Variants in AZIN2 observed in about 807,000 individuals in gnomAD.
AZIN2 encodes ODC antizyme inhibitor-2.
A neutral mutation model predicts 47.8 loss-of-function variants in AZIN2; 28 were observed. The ratio of observed to expected loss-of-function variants is 0.59; its 90% CI spans 0.43 to 0.80. The LOEUF is 0.80. AZIN2 is among the 30% of genes least tolerant of loss of function. The probability of loss-of-function intolerance (pLI) is 0.00; values close to 1 mark genes in which losing one functional copy is unlikely to be tolerated. For missense variants in AZIN2, 535 were observed against 582.5 expected (o/e 0.92, Z 0.84); for synonymous variants, 221 against 239.4 (o/e 0.92, Z 0.71).
Position 33,081,826 on chromosome 1 carries a change from A to C in AZIN2, c.-73+14A>C. On this transcript the variant is annotated intron_variant, in intron 3 of 11. Coordinates refer to ENST00000294517, the MANE Select transcript of AZIN2 (RefSeq NM_052998.4). This position sits in a 1 kb window ranked among gnomAD's most constrained non-coding sequence, Gnocchi z 4.2. Reference sequence around the variant, plus strand: ...GCTACCCTCTAGGTGGGCGTGGTCAAGACTGGGGGCGCCCTGGAAACTTCC... The same window carrying C: ...GCTACCCTCTAGGTGGGCGTGGTCACGACTGGGGGCGCCCTGGAAACTTCC... The C allele has an allele frequency of 7.5e-6, 2 of 267,200 alleles. No individual in the cohort carries two copies. The highest frequency in any genetic ancestry group is 1.5e-5 in the Non-Finnish European group (2 of 135,478). The allele number at this position is 267,200 out of a possible 1,614,324, so 16.6% of individuals were successfully genotyped here.
the AZIN2 span, among the ~76,000 whole-genome samples, chr1:33,148,692 A>G: frequency 6.6e-6 from 1 of 152,220 alleles, no homozygotes; most frequent in African/African-American, 2.4e-5. Flanking sequence ...ATACACACAC[A>G]ACACTTGAAA....
chr1:33,145,466 T>C, the AZIN2 span: 1 of 166,250 alleles, frequency 6.0e-6, no homozygotes, highest in African/African-American at 2.4e-5. Flanking sequence ...ACATTTTAAA[T>C]AAAAATACTG....
chr1:33,105,241 A>T (rs1433557815), intron 10 of AZIN2, among the ~76,000 whole-genome samples: 2 of 152,184 alleles, frequency 1.3e-5, no homozygotes, highest in African/African-American at 2.4e-5. Flanking sequence ...AAAGTGTCAT[A>T]GTGCACTTTG....
chr1:33,165,525 C>T, the AZIN2 span: 1 of 1,611,218 alleles, frequency 6.2e-7, no homozygotes, highest in Admixed American at 1.7e-5. The surrounding 1 kb of genome is among the most constrained non-coding windows in gnomAD (Gnocchi z 4.0). Flanking sequence ...TGTGTTCCCG[C>T]TCGCTGTCTT....
In AZIN2 at chr1:33,105,655, A is replaced by G. The variant is rs138028306; in HGVS notation, c.1029+7476A>G. On this transcript the variant is annotated intron_variant, in intron 10 of 11. Coordinates refer to ENST00000294517, the MANE Select transcript of AZIN2 (RefSeq NM_052998.4). ...TGGGCGAAACTGCCCGCCATGATCC[A>G]ATCACCTCCCAACAGGCCCCTCCCT... is the stretch of plus-strand genomic sequence containing the variant. Among the ~76,000 whole-genome samples, 1,321 of 152,262 alleles carry G rather than the reference A, an allele frequency of 8.7e-3. 9 individuals are homozygous for G. Among genetic ancestry groups the G allele is most frequent in the Middle Eastern group, 0.01 (3 of 294 alleles).
chr1:33,114,890 G>A (rs558970434), intron 10 of AZIN2, among the ~76,000 whole-genome samples: 134 of 149,744 alleles, frequency 8.9e-4, no homozygotes, highest in Non-Finnish European at 1.7e-3. Context: ...TGATGCGCCC[G>A]TGTCCGCCTC....
chr1:33,137,095 C>A, the AZIN2 span, among the ~76,000 whole-genome samples: 3 of 152,156 alleles, frequency 2.0e-5, no homozygotes, highest in African/African-American at 7.2e-5. Flanking sequence ...CCCAGCTGTG[C>A]CATGAACTTG....
chr1:33,161,027 C>G, the AZIN2 span, among the ~76,000 whole-genome samples: 10 of 152,236 alleles, frequency 6.6e-5, no homozygotes, highest in African/African-American at 2.4e-4. This position sits in a 1 kb window ranked among gnomAD's most constrained non-coding sequence, Gnocchi z 4.3. Context: ...CTCTGGGTCT[C>G]TAGCTATGGC....
Position 33,083,979 on chromosome 1 carries a change from C to T in AZIN2, c.131C>T (p.Ala44Val), listed in dbSNP as rs1285375464. The T allele has an allele frequency of 1.2e-6, 2 of 1,614,192 alleles. No homozygotes were observed. The highest frequency in any genetic ancestry group is 2.2e-5 in the East Asian group (1 of 44,876). ...GACGAGGTAGCTGCCTTCTTCGTGG[C>T]TGACCTGGGTGCCATAGTGAGGAAG... Reference protein sequence around the residue: ...TTDEVAAFFVADLGAIVRKHF... With the variant: ...TTDEVAAFFVVDLGAIVRKHF... The change falls in exon 5 of 12, where the codon GCT becomes GTT. Residue 44 changes from alanine (A) to valine (V), a missense_variant. Transcript: ENST00000294517.
At chr1:33,099,827 T>A (rs1163492177) in intron 10 of AZIN2, among the ~76,000 whole-genome samples, 5 of 152,196 alleles carry the variant, frequency 3.3e-5, no homozygotes, top group African/African-American at 1.2e-4. Context: ...GGCGGTGGAA[T>A]AAGACATTGC....
At chr1:33,096,931 G>A (rs1643219647) in intron 9 of AZIN2, 62 bp downstream of exon 9, 2 of 1,603,398 alleles carry the variant, frequency 1.2e-6, no homozygotes, top group African/African-American at 2.7e-5. Context: ...GTGGTTGGCT[G>A]AGCAGGATCT....
chr1:33,101,914 G>A, intron 10 of AZIN2: 1 of 777,624 alleles, frequency 1.3e-6, no homozygotes, highest in Non-Finnish European at 2.4e-6. Context: ...TGAGTATGCT[G>A]CAGTTTATTT....
At chr1:33,145,831 G>A in the AZIN2 span, 1 of 470,576 alleles carries the variant, frequency 2.1e-6, no homozygotes, top group South Asian at 1.6e-5. Flanking sequence ...ACGCAGGTGG[G>A]GCTTGCTCCA....
At chr1:33,163,839 T>G in the AZIN2 span, 1 of 152,256 alleles carries the variant, frequency 6.6e-6, no homozygotes, top group Non-Finnish European at 1.5e-5. Flanking sequence ...ATTTCTTGTA[T>G]AAACACCCCA....
the AZIN2 span, among the ~76,000 whole-genome samples, chr1:33,129,835 A>G: frequency 6.6e-6 from 1 of 152,086 alleles, no homozygotes; most frequent in African/African-American, 2.4e-5. This position sits in a 1 kb window ranked among gnomAD's most constrained non-coding sequence, Gnocchi z 4.1. Context: ...TGAGCGGGGG[A>G]GAGAGGAGGT....
chr1:33,121,765 A>AT lies in AZIN2; in HGVS notation c.*1585dup, dbSNP rs1644799924. Among the ~76,000 whole-genome samples the AT allele has an allele frequency of 6.6e-6, 1 of 152,096 alleles. No individual in the cohort carries two copies. The highest frequency in any genetic ancestry group is 1.5e-5 in the Non-Finnish European group (1 of 68,024). The stretch of plus-strand genomic sequence containing the variant: ...TGGATTTGCTTATTCTGGACATTGT[A>AT]TTGTGATGGATTTTCTATCTTCACT... On this transcript the variant is annotated 3_prime_UTR_variant, in exon 12 of 12. Transcript: ENST00000294517.
At chr1:33,097,309 A>G (rs553082957) in intron 9 of AZIN2, among the ~76,000 whole-genome samples, 3 of 152,304 alleles carry the variant, frequency 2.0e-5, no homozygotes, top group Non-Finnish European at 2.9e-5. Context: ...GTTTGAGTCC[A>G]CTTTACAGAT....
At chr1:33,119,790 A>C in intron 11 of AZIN2, 1 of 561,004 alleles carries the variant, frequency 1.8e-6, no homozygotes. Context: ...ACAAATAGAT[A>C]ATATAAGTGC....
chr1:33,123,516 A>G (rs987505809), downstream of AZIN2, among the ~76,000 whole-genome samples: 3 of 152,246 alleles, frequency 2.0e-5, no homozygotes, highest in African/African-American at 7.2e-5. Context: ...TCATTTGTAC[A>G]ATGTGGCTGA....
Sources: allele counts gnomAD v4.1 joint callset (sites outside exome capture counted in the v4.1 genomes callset), GRCh38; gene constraint gnomAD v4.1.1; non-coding constraint Gnocchi (gnomAD v3.1); transcripts MANE v1.5; gene names NCBI Gene and HGNC (gene_info 2026-07-23, HGNC 2026-07-21).